TSPEAR: variants seen among roughly 807,000 people sequenced by gnomAD.
The protein encoded by TSPEAR is thrombospondin-type laminin G domain and EAR repeat-containing protein.
In TSPEAR, 69 loss-of-function variants were observed where a neutral mutation model predicts 71.6. The ratio of observed to expected loss-of-function variants is 0.96; its 90% CI spans 0.79 to 1.18. The LOEUF (loss-of-function observed/expected upper bound fraction) is 1.18, where lower values mean the gene tolerates loss of function less well. Ranked by LOEUF, TSPEAR falls within the 50% of genes most tolerant of loss-of-function variation. The pLI is 0.00. For missense variants in TSPEAR, 971 were observed against 894.9 expected (o/e 1.09, Z -1.09); for synonymous variants, 402 against 387.2 (o/e 1.04, Z -0.45).
intron 1 of TSPEAR, chr21:44,654,261 T>C (rs1555942023): frequency 1.2e-6 from 2 of 1,609,394 alleles, no homozygotes; most frequent in African/African-American, 1.3e-5. Flanking sequence ...ACGAGGGTCA[T>C]AGGAGGCCAC....
chr21:44,505,197 G>A (rs1224595798), intron 10 of TSPEAR, among the ~76,000 whole-genome samples: 1 of 152,070 alleles, frequency 6.6e-6, no homozygotes, highest in Admixed American at 6.5e-5. Context: ...TCCTGCCTCA[G>A]CCTCCCGAGT....
At chr21:44,659,042 G>A (rs587649119) in intron 1 of TSPEAR, among the ~76,000 whole-genome samples, 20 of 152,276 alleles carry the variant, frequency 1.3e-4, no homozygotes, top group South Asian at 8.3e-4. Flanking sequence ...GCAGGAAGTC[G>A]AAGAAAGTCT....
In TSPEAR at chr21:44,676,909, T is replaced by C. The variant is rs1329233599; in HGVS notation, c.82+34524A>G. 10 of 892,458 alleles carry C rather than the reference T, an allele frequency of 1.1e-5. No homozygotes were observed. In the African/African-American group the frequency reaches 1.6e-4, roughly 14 times the overall value. The allele number at this position is 892,458 out of a possible 1,614,324, so 55.3% of individuals were successfully genotyped here. ...TAGCTCTCTGTTCAGCTGATCGATG[T>C]GACGATGTGCACGGGCAATCAGGGA... is the stretch of plus-strand genomic sequence containing the variant. On this transcript the variant is annotated intron_variant, in intron 1 of 11. Transcript: ENST00000323084.
rs148869422 is a variant in TSPEAR, at chr21:44,633,060, G to C, written c.83-65055C>G. Among the ~76,000 whole-genome samples, 1,266 of 152,048 alleles carry C rather than the reference G, an allele frequency of 8.3e-3. 12 individuals are homozygous for C. Among genetic ancestry groups the C allele is most frequent in the African/African-American group, 0.029 (1,190 of 41,476 alleles). ...TCTTATAGTCTTTTTTATCTATATA[G>C]GTCAGCAGTAATGTTCCCACTTTCA... On this transcript the variant is annotated intron_variant, in intron 1 of 11. Transcript: ENST00000323084.
chr21:44,587,852 C>T (rs1001817524), intron 1 of TSPEAR, among the ~76,000 whole-genome samples: 44 of 152,176 alleles, frequency 2.9e-4, no homozygotes, highest in Admixed American at 2.6e-3. Context: ...ATCCTCATCT[C>T]TCACCTTATA....
rs1009148110 is a variant in TSPEAR at position 44,710,543 on chromosome 21, G to C, written c.82+890C>G. ...AGAGAGCTGTGGCCCGGTGCCGGGG[G>C]TGGACTTCATCTATTCCAGGGAACC... is the stretch of plus-strand genomic sequence containing the variant. On this transcript the variant is annotated intron_variant, in intron 1 of 11. Transcript: ENST00000323084. This position sits in a 1 kb window ranked among gnomAD's most constrained non-coding sequence, Gnocchi z 4.6. 1.3e-5 allele frequency among the ~76,000 whole-genome samples: 2 copies of C among 152,306 alleles called. No individual in the cohort carries two copies. The highest frequency in any genetic ancestry group is 1.9e-4 in the East Asian group (1 of 5,174).
rs1978818725 is a variant in TSPEAR at position 44,580,086 on chromosome 21, A to T, written c.83-12081T>A. 6.2e-7 allele frequency: 1 copy of T among 1,613,166 alleles called. No homozygotes were observed. Among genetic ancestry groups the T allele is most frequent in the Admixed American group, 1.7e-5 (1 of 59,800 alleles). On this transcript the variant is annotated intron_variant, in intron 1 of 11. Transcript: ENST00000323084. ...TAGCAGGACTGCTGGCAGGGGGAGG[A>T]GGTGCAGCAAGTCGGCTGGCAGCTA...
chr21:44,581,177 A>T (rs587630551), intron 1 of TSPEAR, among the ~76,000 whole-genome samples: 2 of 152,224 alleles, frequency 1.3e-5, no homozygotes, highest in East Asian at 3.9e-4. Context: ...TTGTCTCTTC[A>T]GCTCTTCCAT....
intron 1 of TSPEAR, among the ~76,000 whole-genome samples, chr21:44,629,760 T>G (rs994040439): frequency 6.6e-6 from 1 of 152,200 alleles, no homozygotes; most frequent in Non-Finnish European, 1.5e-5. Flanking sequence ...AACAACGCTG[T>G]CCAGAGGCCT....
chr21:44,581,721 A>G (rs17004677), intron 1 of TSPEAR, among the ~76,000 whole-genome samples: 4,488 of 152,246 alleles, frequency 0.029, 193 homozygotes, highest in African/African-American at 0.094. Flanking sequence ...TTGTGACTTT[A>G]ATTTTGTCTC....
At chr21:44,617,380 G>A (rs1982172599) in intron 1 of TSPEAR, among the ~76,000 whole-genome samples, 1 of 152,250 alleles carries the variant, frequency 6.6e-6, no homozygotes, top group African/African-American at 2.4e-5. Flanking sequence ...ACAGAGAACA[G>A]ACACACGGCC....
intron 1 of TSPEAR, chr21:44,573,593 T>G (rs1409142856): frequency 8.5e-7 from 1 of 1,181,986 alleles, no homozygotes; most frequent in Non-Finnish European, 1.2e-6. Flanking sequence ...CTCCTGGAGC[T>G]GGCTGTACAC....
chr21:44,513,903 G>T (rs587721919), intron 9 of TSPEAR, among the ~76,000 whole-genome samples: 1 of 152,254 alleles, frequency 6.6e-6, no homozygotes, highest in East Asian at 1.9e-4. Context: ...CAAGCATCCC[G>T]GGTGGCCATG....
At chr21:44,686,534 G>T in intron 1 of TSPEAR, 1 of 153,632 alleles carries the variant, frequency 6.5e-6, no homozygotes, top group South Asian at 1.9e-4. Flanking sequence ...CGCATGCTCA[G>T]GTCGGGCCTG....
rs2052699755 is a variant in TSPEAR, at chr21:44,520,012, C to A, written c.1566+1871G>T. The A allele has an allele frequency of 6.6e-6, 1 of 152,340 alleles. No homozygotes were observed. Among genetic ancestry groups the A allele is most frequent in the Non-Finnish European group, 1.5e-5 (1 of 68,208 alleles). 9.4% of individuals were successfully genotyped at this position (152,340 alleles called of 1,614,324 possible). On this transcript the variant is annotated intron_variant, in intron 9 of 11. Transcript: ENST00000323084. The surrounding 1 kb of genome is among the most constrained non-coding windows in gnomAD (Gnocchi z 4.2). The stretch of plus-strand genomic sequence containing the variant: ...TCCCAGTGCACTGAGCCTCACTCTG[C>A]CCCCGTGGCAGGAGGCTCATCCCGC...
chr21:44,590,918 G>A (rs587767147), intron 1 of TSPEAR, among the ~76,000 whole-genome samples: 30 of 152,236 alleles, frequency 2.0e-4, no homozygotes, highest in Admixed American at 1.8e-3. Flanking sequence ...ACAGAGGCCA[G>A]CACCAGAAGG....
At chr21:44,575,079 A>G in intron 1 of TSPEAR, 2 of 1,462,512 alleles carry the variant, frequency 1.4e-6, no homozygotes, top group Non-Finnish European at 1.9e-6. Flanking sequence ...GAAAGCTGAT[A>G]GTCGCGTCCT....
chr21:44,568,881 G>T (rs1219636789), intron 1 of TSPEAR, among the ~76,000 whole-genome samples: 4 of 152,166 alleles, frequency 2.6e-5, no homozygotes, highest in Non-Finnish European at 5.9e-5. Context: ...AGGGTGTTGG[G>T]TCAGTCCACT....
chr21:44,707,602 A>T (rs1290087631), intron 1 of TSPEAR, among the ~76,000 whole-genome samples: 2 of 152,114 alleles, frequency 1.3e-5, no homozygotes, highest in Non-Finnish European at 2.9e-5. Context: ...AGCGGGGGAA[A>T]AGCCCTGGCC....
Sources: gnomAD v4.1 joint callset for allele counts (sites outside exome capture counted in the v4.1 genomes callset) on GRCh38, gnomAD v4.1.1 for gene constraint, Gnocchi (gnomAD v3.1) non-coding constraint, MANE v1.5 for transcripts, NCBI Gene and HGNC (gene_info 2026-07-23, HGNC 2026-07-21) for gene names.